Variants in LAMA1 observed in about 807,000 individuals in gnomAD.
The protein encoded by LAMA1 is laminin subunit alpha-1.
Under a neutral mutation model 348.7 loss-of-function variants are expected in LAMA1, and 219 were observed. The ratio of observed to expected loss-of-function variants is 0.63; its 90% CI spans 0.56 to 0.70. The LOEUF (loss-of-function observed/expected upper bound fraction) is 0.70. Among genes scored for constraint, LAMA1 ranks in the 30% least tolerant of loss-of-function variants. The pLI is 0.00. For synonymous variants in LAMA1, 1,487 were observed against 1,491.0 expected (o/e 1.00, Z 0.06); for missense variants, 3,744 against 3,888.0 (o/e 0.96, Z 0.99).
At chr18:7,049,033 T>C (rs1162521964) in intron 5 of LAMA1, 45 bp downstream of exon 5, 4 of 1,548,568 alleles carry the variant, frequency 2.6e-6, no homozygotes, top group Admixed American at 3.4e-5. Flanking sequence ...TTAAATAAAA[T>C]GAATCTTTTT....
chr18:6,950,738 A>T, intron 58 of LAMA1, 44 bp downstream of exon 58: 1 of 1,604,944 alleles, frequency 6.2e-7, no homozygotes, highest in African/African-American at 1.3e-5. Context: ...TGATAGATGG[A>T]ACAGAACTCA....
At position 7,015,868 on chromosome 18, in the gene LAMA1, A is replaced by G; in HGVS notation, c.2990-10T>C. The G allele has an allele frequency of 6.2e-7, 1 of 1,614,104 alleles. No individual in the cohort carries two copies. The highest frequency in any genetic ancestry group is 8.5e-7 in the Non-Finnish European group (1 of 1,180,002). On this transcript the variant is annotated splice_polypyrimidine_tract_variant and intron_variant, in intron 21 of 62. Coordinates refer to ENST00000389658, the MANE Select transcript of LAMA1 (RefSeq NM_005559.4). ...TGTGGGCAGTCACAGGCTGAAATAA[A>G]GATGAATGCTGGGTTACAGATCTGG...
intron 36 of LAMA1, among the ~76,000 whole-genome samples, chr18:6,988,466 C>A (rs1317541502): frequency 6.6e-6 from 1 of 152,186 alleles, no homozygotes; most frequent in Non-Finnish European, 1.5e-5. Context: ...GAACTTGGCT[C>A]TCCTTAGTAG....
intron 46 of LAMA1, among the ~76,000 whole-genome samples, chr18:6,973,998 C>T (rs992728950): frequency 2.6e-5 from 4 of 151,996 alleles, no homozygotes; most frequent in African/African-American, 7.2e-5. Flanking sequence ...CCAGGCTAAC[C>T]TCAAACTCCT....
At chr18:7,060,061 G>A (rs181390711) in intron 3 of LAMA1, among the ~76,000 whole-genome samples, 28 of 152,330 alleles carry the variant, frequency 1.8e-4, no homozygotes, top group African/African-American at 3.1e-4. Flanking sequence ...GTTTTATAGC[G>A]TGTCAATCAC....
In LAMA1 at chr18:7,043,348, T is replaced by C; in HGVS notation, c.1034A>G (p.Gln345Arg). The C allele has an allele frequency of 6.2e-7, 1 of 1,614,106 alleles. No individual in the cohort carries two copies. The highest frequency in any genetic ancestry group is 8.5e-7 in the Non-Finnish European group (1 of 1,180,024). Reference protein sequence around the residue: ...DCYYDESVAKQKKSLNTAGQF... With the variant: ...DCYYDESVAKRKKSLNTAGQF... Reference sequence around the variant, plus strand: ...TCCAGCAGTATTCAAACTTTTCTTCTGCTTTGCAACACTTTCATCATAGTA... The same window carrying C: ...TCCAGCAGTATTCAAACTTTTCTTCCGCTTTGCAACACTTTCATCATAGTA... Residue 345 changes from glutamine to arginine, a missense_variant, in exon 8 of 63, where the codon CAG (glutamine) becomes CGG (arginine). Physicochemically the swap from Gln to Arg is conservative, Grantham distance 43. Around this residue, in one of 3 missense-constraint regions of LAMA1, gnomAD observed 1,529 missense variants for 1,689.4 expected, o/e 0.91. Coordinates refer to ENST00000389658, the MANE Select transcript of LAMA1 (RefSeq NM_005559.4).
At chr18:6,983,495 T>C (rs34578062) in intron 39 of LAMA1, among the ~76,000 whole-genome samples, 26,795 of 152,154 alleles carry the variant, frequency 0.18, 2,929 homozygotes, top group Non-Finnish European at 0.25. Context: ...CTGTTTCCCT[T>C]AGACGACCAT....
intron 16 of LAMA1, among the ~76,000 whole-genome samples, chr18:7,027,357 C>A (rs1375013521): frequency 6.6e-6 from 1 of 152,140 alleles, no homozygotes; most frequent in Non-Finnish European, 1.5e-5. Flanking sequence ...GATAGGTAGA[C>A]AGATAATGAT....
chr18:6,995,481 C>G (rs114390415), intron 33 of LAMA1, 35 bp from the exon 34 acceptor site: 2 of 1,114,704 alleles, frequency 1.8e-6, no homozygotes, highest in East Asian at 4.7e-5. Context: ...TACAATGCTT[C>G]GAAGTAAAAT....
chr18:6,998,293 T>C (rs536482754), intron 32 of LAMA1, among the ~76,000 whole-genome samples: 20 of 152,198 alleles, frequency 1.3e-4, no homozygotes, highest in Non-Finnish European at 2.5e-4. Flanking sequence ...AAGAACTTTA[T>C]TGACTGTAAT....
intron 1 of LAMA1, among the ~76,000 whole-genome samples, chr18:7,085,410 CTTCTTTTTTTTTTTT>C (rs1472358552): frequency 7.8e-6 from 1 of 128,252 alleles, no homozygotes. Context: ...TCTTCTTCTT[CTTCTTTTTTTTTTTT>C]TTTTTTTTTT....
At chr18:6,955,524 A>G (rs1183222442) in intron 56 of LAMA1, 59 bp from the exon 57 acceptor site, 2 of 1,262,574 alleles carry the variant, frequency 1.6e-6, no homozygotes, top group African/African-American at 2.9e-5. Context: ...CCACTGACAC[A>G]CGCGTGTTCC....
At chr18:7,071,375 A>C (rs1025493538) in intron 3 of LAMA1, among the ~76,000 whole-genome samples, 3 of 152,260 alleles carry the variant, frequency 2.0e-5, no homozygotes, top group African/African-American at 7.2e-5. Context: ...ATAAATTCCT[A>C]TATATGTACC....
Position 6,975,056 on chromosome 18 carries a change from C to G in LAMA1, c.6490-20G>C. 1 of 1,611,502 alleles carries G rather than the reference C, an allele frequency of 6.2e-7. No individual in the cohort carries two copies. Among genetic ancestry groups the G allele is most frequent in the East Asian group, 2.2e-5 (1 of 44,678 alleles). On this transcript the variant is annotated intron_variant, in intron 45 of 62. Coordinates refer to ENST00000389658, the MANE Select transcript of LAMA1 (RefSeq NM_005559.4). ...ATCAGACTGGGGGGCGAGGAATGAA[C>G]GGGGATCAGTTTACACACTGGACTG...
intron 8 of LAMA1, 134 bp from the exon 9 acceptor site, chr18:7,042,384 T>C: frequency 1.5e-6 from 1 of 675,750 alleles, no homozygotes; most frequent in Non-Finnish European, 2.7e-6. Flanking sequence ...GGGTGGGGGT[T>C]AGGTTTGAGG....
chr18:7,041,484 C>T (rs111807105), intron 9 of LAMA1, among the ~76,000 whole-genome samples: 1,657 of 152,262 alleles, frequency 0.011, 32 homozygotes, highest in African/African-American at 0.036. Flanking sequence ...CCCATCCCTA[C>T]TGGTCGATAT....
intron 1 of LAMA1, among the ~76,000 whole-genome samples, chr18:7,091,460 A>G (rs892547326): frequency 2.0e-5 from 3 of 152,354 alleles, no homozygotes; most frequent in African/African-American, 7.2e-5. Flanking sequence ...TCCTTTAAAT[A>G]CTTAAAACAC....
At chr18:6,945,947 CA>C (rs1226633864) in intron 61 of LAMA1, among the ~76,000 whole-genome samples, 1 of 151,938 alleles carries the variant, frequency 6.6e-6, no homozygotes, top group African/African-American at 2.4e-5. Context: ...TGCGCCCAGA[CA>C]GCCCCAAAGG....
Position 7,049,073 on chromosome 18 carries a change from C to T in LAMA1, c.768+5G>A. 6 of 1,613,200 alleles carry T rather than the reference C, an allele frequency of 3.7e-6. No homozygotes were observed. Among genetic ancestry groups the T allele is most frequent in the Non-Finnish European group, 5.1e-6 (6 of 1,179,218 alleles). On this transcript the variant is annotated splice_donor_5th_base_variant and intron_variant, in intron 5 of 62. Coordinates refer to ENST00000389658, the MANE Select transcript of LAMA1 (RefSeq NM_005559.4). ...TATTTGGCAGGACTGCCGTCCCATA[C>T]TCACGCGTCTGGTAACAATAGGATC...
Sources: gnomAD v4.1 joint callset for allele counts (sites outside exome capture counted in the v4.1 genomes callset) on GRCh38, gnomAD v4.1.1 for gene constraint, gnomAD v4.1.1 regional missense constraint, MANE v1.5 for transcripts, NCBI Gene and HGNC (gene_info 2026-07-23, HGNC 2026-07-21) for gene names.